STIL: variants seen among roughly 807,000 people sequenced by gnomAD.
STIL encodes the protein STIL centriolar assembly protein, also known as SCL-interrupting locus protein.
STIL carries 55 observed loss-of-function variants against 110.1 expected under a neutral mutation model. The ratio of observed to expected loss-of-function variants is 0.50; its 90% confidence interval spans 0.40 to 0.63. The LOEUF (loss-of-function observed/expected upper bound fraction) is 0.63. Ranked by LOEUF, STIL falls within the 20% of genes least tolerant of loss-of-function variation. The pLI, the probability that STIL is intolerant of heterozygous loss-of-function variation, is 0.00. For synonymous variants in STIL, 481 were observed against 530.0 expected (o/e 0.91, Z 1.27); for missense variants, 1,358 against 1,530.0 (o/e 0.89, Z 1.87).
At chr1:47,256,760 C>T (rs1265058705) in intron 16 of STIL, among the ~76,000 whole-genome samples, 3 of 151,970 alleles carry the variant, frequency 2.0e-5, no homozygotes, top group African/African-American at 4.8e-5. Flanking sequence ...TTTGGGAGGC[C>T]GAGGCAGGTG....
intron 12 of STIL, among the ~76,000 whole-genome samples, chr1:47,275,473 T>A (rs1644964942): frequency 6.6e-6 from 1 of 151,936 alleles, no homozygotes; most frequent in African/African-American, 2.4e-5. Context: ...CCCGGCTTGG[T>A]GGCCAACGCC....
chr1:47,254,618 C>A (rs1405086330), intron 16 of STIL, among the ~76,000 whole-genome samples: 1 of 151,928 alleles, frequency 6.6e-6, no homozygotes, highest in African/African-American at 2.4e-5. Flanking sequence ...ATGGCATCGA[C>A]CTCCCAGACT....
intron 11 of STIL, among the ~76,000 whole-genome samples, chr1:47,282,076 T>A (rs1645169542): frequency 2.0e-5 from 3 of 152,116 alleles, no homozygotes; most frequent in Non-Finnish European, 2.9e-5. Flanking sequence ...ACTTAACCAA[T>A]CTATGTCTCA....
At chr1:47,301,434 T>C (rs1357731738) in intron 5 of STIL, 127 bp downstream of exon 5, 1 of 1,078,760 alleles carries the variant, frequency 9.3e-7, no homozygotes, top group Non-Finnish European at 1.4e-6. Context: ...AGTTGGATTT[T>C]AGGTTCACAA....
rs1645629923 is a variant in STIL, at chr1:47,295,928, T to C, written c.702-80A>G. ...AAGACATAATCTAAATGCTGAAGCA[T>C]ACTTTAGAAAGGGGAGATAATTCAA... On this transcript the variant is annotated intron_variant, in intron 6 of 16. Transcript: ENST00000371877. 6 of 1,069,060 alleles carry C rather than the reference T, an allele frequency of 5.6e-6. No individual in the cohort carries two copies. In the South Asian group the frequency reaches 7.6e-5, roughly 14 times the overall value. The allele number at this position is 1,069,060 out of a possible 1,614,324, so 66.2% of individuals were successfully genotyped here. A position where few individuals can be genotyped will look rare whatever the true frequency, so the allele number is the denominator to read the frequency against.
At chr1:47,303,792 ACTTT>A (rs1241026554) in intron 3 of STIL, among the ~76,000 whole-genome samples, 2 of 152,152 alleles carry the variant, frequency 1.3e-5, no homozygotes, top group African/African-American at 2.4e-5. Context: ...GAACCCGAAT[ACTTT>A]CTTTCTTGTA....
intron 3 of STIL, among the ~76,000 whole-genome samples, chr1:47,304,626 C>G (rs867166301): frequency 7.2e-5 from 11 of 152,296 alleles, no homozygotes; most frequent in Middle Eastern, 6.8e-3. Context: ...TAATAAAAAA[C>G]ACTTTCAGTT....
Position 47,263,085 on chromosome 1 carries a change from C to G in STIL, c.2647G>C (p.Asp883His). The G allele has an allele frequency of 6.2e-7, 1 of 1,614,150 alleles. No homozygotes were observed. The highest frequency in any genetic ancestry group is 1.1e-5 in the South Asian group (1 of 91,074). ...CCACTTGGAAAGAACACAGGTACAT[C>G]AGGTTCTTTTCTCACAACTAGAGAA... is the stretch of plus-strand genomic sequence containing the variant. ...SSSLVVRKEP[D>H]VPVFFPSGQL... The change falls in exon 15 of 17, where the codon GAT (aspartate) becomes CAT (histidine). Residue 883 changes from aspartate (D) to histidine (H), a missense_variant. Physicochemically the swap from Asp to His is moderately conservative, Grantham distance 81. Coordinates refer to ENST00000371877, the MANE Select transcript of STIL (RefSeq NM_001048166.1).
intron 12 of STIL, among the ~76,000 whole-genome samples, chr1:47,278,264 A>G (rs1557734241): frequency 6.6e-6 from 1 of 152,200 alleles, no homozygotes; most frequent in Non-Finnish European, 1.5e-5. Context: ...TTTGTTGTCT[A>G]TCATTATGAT....
chr1:47,276,812 T>TA (rs36154290), intron 12 of STIL, among the ~76,000 whole-genome samples: 722 of 67,634 alleles, frequency 0.011, 19 homozygotes, highest in East Asian at 0.038. Context: ...AAACTCTGCC[T>TA]AAAAAAAAAA....
At chr1:47,282,272 A>T in intron 11 of STIL, 73 bp downstream of exon 11, 3 of 896,620 alleles carry the variant, frequency 3.3e-6, no homozygotes, top group Non-Finnish European at 5.6e-6. Flanking sequence ...AGGTAGTATT[A>T]TTTAGTGTTT....
In STIL at chr1:47,313,826, C is replaced by T. The variant is rs553052196; in HGVS notation, c.-44+210G>A. 2.0e-5 allele frequency among the ~76,000 whole-genome samples: 3 copies of T among 152,344 alleles called. No homozygotes were observed. The South Asian group carries it at 6.2e-4, about 32-fold the overall frequency. On this transcript the variant is annotated intron_variant, in intron 1 of 16. Coordinates refer to ENST00000371877, the MANE Select transcript of STIL (RefSeq NM_001048166.1). The stretch of plus-strand genomic sequence containing the variant: ...ACAACTTTAAATGGCACGTTATCGA[C>T]TGCAAACCTCTTTCACATACCTTAG...
chr1:47,264,944 A>AAG (rs1430790761), intron 14 of STIL, among the ~76,000 whole-genome samples: 1 of 151,118 alleles, frequency 6.6e-6, no homozygotes, highest in Non-Finnish European at 1.5e-5. Flanking sequence ...AAAAAAAAAA[A>AAG]AAAGCCAAAA....
At chr1:47,310,533 G>A (rs2149277851) in intron 1 of STIL, among the ~76,000 whole-genome samples, 171 bp from the exon 2 acceptor site, 1 of 152,304 alleles carries the variant, frequency 6.6e-6, no homozygotes, top group East Asian at 1.9e-4. Flanking sequence ...ATACGTTAGA[G>A]TCATTCTGCC....
intron 14 of STIL, among the ~76,000 whole-genome samples, chr1:47,268,297 T>C (rs1644713592): frequency 6.6e-6 from 1 of 150,504 alleles, no homozygotes; most frequent in South Asian, 2.1e-4. Flanking sequence ...AATACAAAAA[T>C]TAGCTGGGCG....
In STIL at chr1:47,288,158, G is replaced by A. The variant is rs537559303; in HGVS notation, c.1024-498C>T. Reference sequence around the variant, plus strand: ...TACTAAATACGATCTGAGTGGACACGTGGTTATTTAAAAGTATTCAATATT... The same window carrying A: ...TACTAAATACGATCTGAGTGGACACATGGTTATTTAAAAGTATTCAATATT... On this transcript the variant is annotated intron_variant, in intron 9 of 16. Transcript: ENST00000371877. Among the ~76,000 whole-genome samples, 12 of 150,528 alleles carry A rather than the reference G, an allele frequency of 8.0e-5. 1 individual carries two copies. Among genetic ancestry groups the A allele is most frequent in the South Asian group, 4.2e-4 (2 of 4,802 alleles).
At chr1:47,274,444 C>T (rs1463208992) in intron 12 of STIL, among the ~76,000 whole-genome samples, 1 of 148,768 alleles carries the variant, frequency 6.7e-6, no homozygotes, top group Non-Finnish European at 1.5e-5. Flanking sequence ...CATTCTCCTG[C>T]CTCAGCCTCC....
intron 15 of STIL, 101 bp from the exon 16 acceptor site, chr1:47,260,640 A>AGGCAG (rs1644458671): frequency 7.9e-7 from 1 of 1,270,134 alleles, no homozygotes; most frequent in South Asian, 1.3e-5. Context: ...TGGGAAGCCA[A>AGGCAG]GGCAGGAAGA....
In STIL at chr1:47,300,093, T is replaced by C. The variant is rs768290946; in HGVS notation, c.513A>G (p.Leu171=). The change falls in exon 6 of 17, where the codon CTA becomes CTG. Residue 171 remains leucine, a synonymous_variant. Transcript: ENST00000371877. ...DSLDCGKLLS[L]RVHITSRESL... ...TCTCCCTGGAAGTGATATGAACTCT[T>C]AGGGAAAGCAGCTTACCACAGTCCA... 2.5e-6 allele frequency: 4 copies of C among 1,614,036 alleles called. No individual in the cohort carries two copies. The highest frequency in any genetic ancestry group is 2.5e-6 in the Non-Finnish European group (3 of 1,180,016).
Sources: gnomAD v4.1 joint callset for allele counts (sites outside exome capture counted in the v4.1 genomes callset) on GRCh38, gnomAD v4.1.1 for gene constraint, MANE v1.5 for transcripts, NCBI Gene and HGNC (gene_info 2026-07-23, HGNC 2026-07-21) for gene names.